Variants in RIBC2 observed in about 807,000 individuals in gnomAD.
RIBC2 encodes the protein RIB43A domain with coiled-coils 2.
In RIBC2, 40 loss-of-function variants were observed where a neutral mutation model predicts 44.3. The observed-to-expected ratio is 0.90, with a 90% CI of 0.70 to 1.18. The LOEUF is 1.18. Ranked by LOEUF, RIBC2 falls within the 50% of genes most tolerant of loss-of-function variation. RIBC2 has a pLI of 0.00. For synonymous variants in RIBC2, 171 were observed against 175.0 expected (o/e 0.98, Z 0.18); for missense variants, 459 against 485.5 (o/e 0.95, Z 0.51).
intron 3 of RIBC2, among the ~76,000 whole-genome samples, chr22:45,421,538 ATAATATTAATAATAATAATAG>A (rs2087481122): frequency 3.4e-5 from 1 of 29,356 alleles, no homozygotes; most frequent in Non-Finnish European, 5.1e-5. Context: ...AGTATTATTA[ATAATATTAATAATAATAATAG>A]TATTATTAAT....
intron 5 of RIBC2, among the ~76,000 whole-genome samples, chr22:45,428,025 G>A (rs145554948): frequency 3.2e-4 from 49 of 152,366 alleles, no homozygotes; most frequent in African/African-American, 1.2e-3. Context: ...AAGAGCAAAG[G>A]CATCTGAGAA....
In RIBC2 at chr22:45,430,885, C is replaced by T. The variant is rs1256428967; in HGVS notation, c.904-15C>T. 1.3e-6 allele frequency: 2 copies of T among 1,559,570 alleles called. No homozygotes were observed. The highest frequency in any genetic ancestry group is 8.7e-7 in the Non-Finnish European group (1 of 1,152,300). ...CTGGGGAAAGGTGGTGGTGAGCCGC[C>T]TCTTTTCCTTCCAGAGGCTCCAGGA... On this transcript the variant is annotated splice_polypyrimidine_tract_variant and intron_variant, in intron 5 of 6. Transcript: ENST00000614167.
intron 3 of RIBC2, among the ~76,000 whole-genome samples, chr22:45,419,762 C>T (rs2087460196): frequency 6.6e-6 from 1 of 151,940 alleles, no homozygotes. Context: ...CACAGTGGCT[C>T]ATGCCTGTAA....
intron 2 of RIBC2, among the ~76,000 whole-genome samples, chr22:45,415,409 C>A (rs2087414260): frequency 6.6e-6 from 1 of 151,844 alleles, no homozygotes; most frequent in Non-Finnish European, 1.5e-5. Flanking sequence ...ACTTTATTTT[C>A]TCCTTTATAC....
At chr22:45,430,149 TC>T (rs1214420533) in intron 5 of RIBC2, among the ~76,000 whole-genome samples, 1 of 152,150 alleles carries the variant, frequency 6.6e-6, no homozygotes, top group Non-Finnish European at 1.5e-5. Flanking sequence ...CTGCCTTCAG[TC>T]CCAGGATGGG....
In RIBC2 at chr22:45,417,121, A is replaced by C. The variant is rs368694918; in HGVS notation, c.212-481A>C. Among the ~76,000 whole-genome samples, 249 of 150,280 alleles carry C rather than the reference A, an allele frequency of 1.7e-3. 2 individuals carry two copies. Among genetic ancestry groups the C allele is most frequent in the African/African-American group, 5.8e-3 (238 of 40,908 alleles). On this transcript the variant is annotated intron_variant, in intron 2 of 6. Coordinates refer to ENST00000614167, the MANE Select transcript of RIBC2 (RefSeq NM_015653.5). Reference sequence around the variant, plus strand: ...TCACCATGTTGGTCAGGCTGGTCTTATACTCCTGATCTCAGGTGATCCGCC... The same window carrying C: ...TCACCATGTTGGTCAGGCTGGTCTTCTACTCCTGATCTCAGGTGATCCGCC...
intron 4 of RIBC2, among the ~76,000 whole-genome samples, chr22:45,422,878 A>G (rs2882539): frequency 0.62 from 93,686 of 151,668 alleles, 31,207 homozygotes; most frequent in African/African-American, 0.88. Context: ...GAGACCTCCC[A>G]CCTCCTCTCT....
chr22:45,414,106 A>ACTG, intron 1 of RIBC2, 91 bp downstream of exon 1: 3 of 1,509,282 alleles, frequency 2.0e-6, no homozygotes, highest in South Asian at 1.3e-5. Context: ...CTAGGATGAA[A>ACTG]CATCTGAGCC....
chr22:45,414,115 C>A, intron 1 of RIBC2, 100 bp downstream of exon 1: 2 of 1,496,824 alleles, frequency 1.3e-6, no homozygotes, highest in Non-Finnish European at 1.8e-6. Context: ...AACATCTGAG[C>A]CAGGAGGCAG....
chr22:45,413,707 C>G lies in RIBC2; in HGVS notation c.-180C>G. ...CTTAGCAACGAGTTGTTGACATTTC[C>G]GAGAGAGCGGGAGCGTCTGTACCTC... On this transcript the variant is annotated 5_prime_UTR_variant, in exon 1 of 7. Transcript: ENST00000614167. 4 of 1,166,498 alleles carry G rather than the reference C, an allele frequency of 3.4e-6. No individual in the cohort carries two copies. Among genetic ancestry groups the G allele is most frequent in the Non-Finnish European group, 4.9e-6 (4 of 821,262 alleles). The allele number at this position is 1,166,498 out of a possible 1,614,324, so 72.3% of individuals were successfully genotyped here.
intron 4 of RIBC2, among the ~76,000 whole-genome samples, chr22:45,424,966 G>A (rs573253631): frequency 3.3e-5 from 5 of 152,014 alleles, no homozygotes; most frequent in Non-Finnish European, 7.4e-5. Flanking sequence ...ATGTTGGCCA[G>A]GCTGGTCTTG....
chr22:45,417,763 A>G lies in RIBC2; in HGVS notation c.373A>G (p.Lys125Glu). The change falls in exon 3 of 7, where the codon AAA becomes GAA. Residue 125 changes from lysine to glutamate, a missense_variant. By Grantham distance (56) the Lys-to-Glu change is moderately conservative. Coordinates refer to ENST00000614167, the MANE Select transcript of RIBC2 (RefSeq NM_015653.5). ...FDLSDPLALK[K>E]DLPARQSDND... ...TCTGTCCGACCCCCTAGCCCTTAAG[A>G]AAGATCTTCCAGCCCGGCAGTCAGA... The G allele has an allele frequency of 6.2e-7, 1 of 1,614,192 alleles. No individual in the cohort carries two copies. The highest frequency in any genetic ancestry group is 8.5e-7 in the Non-Finnish European group (1 of 1,180,046).
chr22:45,427,787 A>T (rs1232488269), intron 5 of RIBC2, among the ~76,000 whole-genome samples: 1 of 152,176 alleles, frequency 6.6e-6, no homozygotes, highest in African/African-American at 2.4e-5. Flanking sequence ...GGCATGCACC[A>T]CCACACCCAG....
chr22:45,427,815 T>C (rs900580570), intron 5 of RIBC2, among the ~76,000 whole-genome samples: 1 of 152,138 alleles, frequency 6.6e-6, no homozygotes, highest in African/African-American at 2.4e-5. Flanking sequence ...TTGTATTTTT[T>C]GTAGAGGTAG....
In RIBC2 at chr22:45,432,266, T is replaced by G; in HGVS notation, c.1071-18T>G. ...ATACACATTTGCTGACCTTTTTTTT[T>G]TCTCATTTTGTTATCAGGAAAAAAT... On this transcript the variant is annotated intron_variant, in intron 6 of 6. Transcript: ENST00000614167. 7.0e-7 allele frequency: 1 copy of G among 1,430,750 alleles called. No homozygotes were observed. Among genetic ancestry groups the G allele is most frequent in the Non-Finnish European group, 9.7e-7 (1 of 1,033,422 alleles). The allele number at this position is 1,430,750 out of a possible 1,614,324, so 88.6% of individuals were successfully genotyped here.
At chr22:45,414,091 G>T in intron 1 of RIBC2, 76 bp downstream of exon 1, 3 of 1,525,816 alleles carry the variant, frequency 2.0e-6, no homozygotes, top group Non-Finnish European at 2.7e-6. Context: ...GAAAGGAGAT[G>T]AGTTCTAGGA....
intron 1 of RIBC2, 23 bp downstream of exon 1, chr22:45,414,038 G>C: frequency 6.4e-7 from 1 of 1,550,980 alleles, no homozygotes; most frequent in Non-Finnish European, 8.7e-7. Context: ...GGGCCGGGAC[G>C]GGGTTAGAGC....
At chr22:45,422,032 A>C (rs1009359908) in intron 3 of RIBC2, among the ~76,000 whole-genome samples, 7 of 152,204 alleles carry the variant, frequency 4.6e-5, no homozygotes, top group Middle Eastern at 3.4e-3. Context: ...CACTGTAAGG[A>C]TGTAGCTGCC....
intron 2 of RIBC2, among the ~76,000 whole-genome samples, chr22:45,415,245 G>T (rs1367256085): frequency 7.3e-6 from 1 of 137,680 alleles, no homozygotes; most frequent in Non-Finnish European, 1.6e-5. Context: ...ACACCATAAA[G>T]ATTTTTATAA....
Sources: allele counts gnomAD v4.1 joint callset (sites outside exome capture counted in the v4.1 genomes callset), GRCh38; gene constraint gnomAD v4.1.1; transcripts MANE v1.5; gene names NCBI Gene and HGNC (gene_info 2026-07-23, HGNC 2026-07-21).